Variants in NID2 observed in about 807,000 individuals in gnomAD.
NID2 encodes the protein nidogen 2, also known as nidogen-2.
Under a neutral mutation model 145.4 loss-of-function variants are expected in NID2, and 83 were observed. The observed-to-expected ratio is 0.57, with a 90% CI of 0.48 to 0.69. The LOEUF is 0.69. Among genes scored for constraint, NID2 ranks in the 30% least tolerant of loss-of-function variants. The probability of loss-of-function intolerance (pLI) is 0.00; values close to 1 mark genes in which losing one functional copy is unlikely to be tolerated. For synonymous variants in NID2, 739 were observed against 701.3 expected (o/e 1.05, Z -0.85); for missense variants, 1,807 against 1,765.7 (o/e 1.02, Z -0.42).
At chr14:52,008,949 T>C (rs762471729) in intron 18 of NID2, 2 of 152,216 alleles carry the variant, frequency 1.3e-5, no homozygotes, top group African/African-American at 2.4e-5. Flanking sequence ...CGAGGAAATA[T>C]GGTCCTATTA....
At chr14:52,032,406 G>A (rs193278386) in intron 9 of NID2, among the ~76,000 whole-genome samples, 25 of 152,276 alleles carry the variant, frequency 1.6e-4, no homozygotes, top group Non-Finnish European at 2.6e-4. Flanking sequence ...GACATCCTTG[G>A]AGGTCCGTTC....
intron 5 of NID2, among the ~76,000 whole-genome samples, chr14:52,049,449 GAC>G (rs1892614616): frequency 9.2e-6 from 1 of 109,062 alleles, no homozygotes. Flanking sequence ...CCCTGGGCCA[GAC>G]ACAGGGGAGG....
At position 52,005,486 on chromosome 14, in the gene NID2, TTACTTTC is replaced by T. The variant is rs1890734655; in HGVS notation, c.4121_4127del (p.Arg1374LysfsTer35). 1.3e-6 allele frequency: 2 copies of T among 1,597,860 alleles called. No homozygotes were observed. The highest frequency in any genetic ancestry group is 1.4e-5 in the African/African-American group (1 of 74,022). ...CAAGTCTTCCTTTACATTACTGTAC[TTACTTTC>T]TTCCTGTGAGAGAAGAGCAGGGGTG... On this transcript the variant is annotated frameshift_variant and stop_lost, in exon 22 of 22. Coordinates refer to ENST00000216286, the MANE Select transcript of NID2 (RefSeq NM_007361.4). LOFTEE classifies it high-confidence loss of function.
chr14:52,030,688 G>A (rs1891829055), intron 9 of NID2, among the ~76,000 whole-genome samples: 1 of 151,304 alleles, frequency 6.6e-6, no homozygotes. Flanking sequence ...AAAAGGAAAA[G>A]AAAAGAAAGA....
intron 3 of NID2, among the ~76,000 whole-genome samples, chr14:52,055,144 C>T (rs1892804511): frequency 6.6e-6 from 1 of 152,150 alleles, no homozygotes; most frequent in Non-Finnish European, 1.5e-5. Flanking sequence ...TGATCATATT[C>T]AATTTTATAG....
At chr14:52,065,013 C>CT (rs1167899297) in intron 2 of NID2, among the ~76,000 whole-genome samples, 3 of 152,164 alleles carry the variant, frequency 2.0e-5, no homozygotes, top group Non-Finnish European at 4.4e-5. Flanking sequence ...TACACCATAA[C>CT]TTTTTTGCTC....
Position 52,068,857 on chromosome 14 carries a change from C to T in NID2, c.138G>A (p.Gln46=). ...TTTCGTCGTCGCCTTCCTGCAGGAG[C>T]TGGTCCCCCCACGACTCCCCGTGTG... ...LFPHGESWGD[Q]LLQEGDDESS... Residue 46 remains glutamine (Q), a synonymous_variant, in exon 1 of 22, where the codon CAG becomes CAA. Coordinates refer to ENST00000216286, the MANE Select transcript of NID2 (RefSeq NM_007361.4). The T allele has an allele frequency of 3.1e-6, 5 of 1,613,714 alleles. No homozygotes were observed. Among genetic ancestry groups the T allele is most frequent in the Non-Finnish European group, 4.2e-6 (5 of 1,180,032 alleles).
chr14:52,005,746 A>G lies in NID2; in HGVS notation c.4108T>C (p.Cys1370Arg), dbSNP rs748412616. Residue 1370 changes from cysteine to arginine, a missense_variant, in exon 21 of 22, where the codon TGC becomes CGC. By Grantham distance (180) the Cys-to-Arg change is radical (BLOSUM62 -3). Transcript: ENST00000216286. Reference protein sequence around the residue: ...LYGITAVYPYCPTGRK With the variant: ...LYGITAVYPYRPTGRK ...AAAGCATACTTTTTACCTGTTGGGC[A>G]GTAGGGGTAGACTGCAGTTATCCCG... is the stretch of plus-strand genomic sequence containing the variant. 2.5e-6 allele frequency: 4 copies of G among 1,612,498 alleles called. No homozygotes were observed. In the African/African-American group the frequency reaches 4.0e-5, roughly 16 times the overall value.
chr14:52,007,705 G>T (rs1890843040), intron 19 of NID2, 105 bp downstream of exon 19: 1 of 1,037,656 alleles, frequency 9.6e-7, no homozygotes, highest in South Asian at 1.4e-5. Flanking sequence ...ACAGACCAAA[G>T]AAAGGAGATC....
In NID2 at chr14:52,044,844, G is replaced by A. The variant is rs564280470; in HGVS notation, c.1430-1913C>T. On this transcript the variant is annotated intron_variant, in intron 5 of 21. Coordinates refer to ENST00000216286, the MANE Select transcript of NID2 (RefSeq NM_007361.4). ...CGTTGCCCAGGTTGGTCTCGGTCTC[G>A]AACTCCTGGGCTCAAGTGATCTTCC... Among the ~76,000 whole-genome samples the A allele has an allele frequency of 5.1e-4, 77 of 151,702 alleles. 1 individual carries two copies. Among genetic ancestry groups the A allele is most frequent in the Non-Finnish European group, 8.5e-4 (58 of 67,958 alleles).
intron 3 of NID2, among the ~76,000 whole-genome samples, chr14:52,055,282 T>C (rs2140424348): frequency 1.3e-5 from 2 of 152,320 alleles, no homozygotes; most frequent in Middle Eastern, 6.8e-3. Context: ...CAGAAAACCA[T>C]ACCACACACT....
At chr14:52,008,059 T>C in intron 18 of NID2, 92 bp from the exon 19 acceptor site, 1 of 1,022,284 alleles carries the variant, frequency 9.8e-7, no homozygotes, top group Non-Finnish European at 1.4e-6. Flanking sequence ...CATCTCCTCA[T>C]GTATTATAGC....
intron 5 of NID2, among the ~76,000 whole-genome samples, chr14:52,053,126 C>A (rs1037513629): frequency 6.6e-6 from 1 of 152,210 alleles, no homozygotes; most frequent in Non-Finnish European, 1.5e-5. Context: ...CCAAGGGAAG[C>A]GCTAGGCTTG....
chr14:52,057,762 A>G (rs1213359890), intron 3 of NID2, among the ~76,000 whole-genome samples: 4 of 151,932 alleles, frequency 2.6e-5, no homozygotes, highest in African/African-American at 9.7e-5. Flanking sequence ...AAAAAAATGA[A>G]TATGGCAAAA....
intron 2 of NID2, among the ~76,000 whole-genome samples, chr14:52,061,076 T>C (rs1431327693): frequency 2.0e-5 from 3 of 152,064 alleles, no homozygotes; most frequent in African/African-American, 7.3e-5. Flanking sequence ...TCAAGGTGAG[T>C]TGTAACCTGG....
At chr14:52,015,518 G>A (rs17124877) in intron 14 of NID2, among the ~76,000 whole-genome samples, 15,379 of 152,170 alleles carry the variant, frequency 0.1, 815 homozygotes, top group Non-Finnish European at 0.11. Context: ...TGTCATCAAG[G>A]CCCAGCCACA....
At chr14:52,014,537 C>T in intron 15 of NID2, 81 bp from the exon 16 acceptor site, 10 of 1,373,674 alleles carry the variant, frequency 7.3e-6, no homozygotes, top group Non-Finnish European at 9.9e-6. Context: ...TTACCACATA[C>T]CAGAGCCTCC....
chr14:52,030,461 G>T (rs557544238), intron 9 of NID2, among the ~76,000 whole-genome samples: 26 of 124,270 alleles, frequency 2.1e-4, no homozygotes, highest in African/African-American at 7.8e-4. Context: ...AATATGCCAA[G>T]ACCTTATCTC....
At chr14:52,068,300 G>A in intron 1 of NID2, 137 bp from the exon 2 acceptor site, 1 of 893,446 alleles carries the variant, frequency 1.1e-6, no homozygotes, top group South Asian at 1.5e-5. Context: ...TCTGGATTCA[G>A]GGAAACAAGC....
Sources: allele counts gnomAD v4.1 joint callset (sites outside exome capture counted in the v4.1 genomes callset), GRCh38; gene constraint gnomAD v4.1.1; transcripts MANE v1.5; gene names NCBI Gene and HGNC (gene_info 2026-07-23, HGNC 2026-07-21).